Variants in TCF7L2 observed in about 807,000 individuals in gnomAD.
TCF7L2 encodes transcription factor 7 like 2.
Under a neutral mutation model 77.9 loss-of-function variants are expected in TCF7L2, and 23 were observed. That is an observed-to-expected ratio of 0.30 (90% CI 0.21 to 0.42). The LOEUF is 0.42. Ranked by LOEUF, TCF7L2 falls within the 10% of genes least tolerant of loss-of-function variation. The probability of loss-of-function intolerance (pLI) is 1.00; values close to 1 mark genes in which losing one functional copy is unlikely to be tolerated. For synonymous variants in TCF7L2, 413 were observed against 340.2 expected (o/e 1.21, Z -2.36); for missense variants, 654 against 793.1 (o/e 0.82, Z 2.11).
intron 4 of TCF7L2, among the ~76,000 whole-genome samples, chr10:112,987,246 C>T (rs1052032127): frequency 6.6e-6 from 1 of 152,164 alleles, no homozygotes; most frequent in African/African-American, 2.4e-5. Flanking sequence ...AGCTTTGCTA[C>T]TTTGTGACTT....
rs374179062 is a variant in TCF7L2 at position 113,160,042 on chromosome 10, C to T, written c.1319-577C>T. 2.2e-5 allele frequency: 33 copies of T among 1,529,910 alleles called. No homozygotes were observed. In the East Asian group the frequency reaches 5.2e-4, roughly 24 times the overall value. The allele number at this position is 1,529,910 out of a possible 1,614,324, so 94.8% of individuals were successfully genotyped here. ...TGTGCTGGTTTGCAGCTGGTCTATT[C>T]GATCCTCTCCCCCTTCTCTGGCCTG... On this transcript the variant is annotated intron_variant, in intron 12 of 13. Transcript: ENST00000627217.
intron 4 of TCF7L2, 69 bp downstream of exon 4, chr10:112,964,693 GCCCCTTC>G: frequency 7.5e-7 from 1 of 1,331,736 alleles, no homozygotes. Context: ...TTTATTCTCC[GCCCCTTC>G]CCCCAACTGA....
At chr10:113,108,665 C>T (rs1264566336) in intron 5 of TCF7L2, among the ~76,000 whole-genome samples, 1 of 152,208 alleles carries the variant, frequency 6.6e-6, no homozygotes, top group Non-Finnish European at 1.5e-5. Context: ...GCGCCCCCTG[C>T]AGTATGGACG....
chr10:113,042,103 A>C (rs1458616821), intron 5 of TCF7L2, among the ~76,000 whole-genome samples: 4 of 152,174 alleles, frequency 2.6e-5, no homozygotes, highest in African/African-American at 9.7e-5. Flanking sequence ...CTCAAATCCC[A>C]CAAGAACAGT....
At chr10:113,153,399 T>C (rs538115992) in intron 11 of TCF7L2, among the ~76,000 whole-genome samples, 53 of 152,240 alleles carry the variant, frequency 3.5e-4, no homozygotes, top group Non-Finnish European at 6.8e-4. Context: ...AAACTTGTCT[T>C]AAGGCCGGCA....
rs115912608 is a variant in TCF7L2 at position 112,974,218 on chromosome 10, A to G, written c.450+9594A>G. 2.9e-3 allele frequency among the ~76,000 whole-genome samples: 438 copies of G among 152,296 alleles called. 5 individuals are homozygous for G. The highest frequency in any genetic ancestry group is 0.01 in the African/African-American group (423 of 41,558). ...ATATCTGTTTTAATTATATCATTGT[A>G]TTTGTACGAGTTGAGATATTTGTAT... On this transcript the variant is annotated intron_variant, in intron 4 of 13. Transcript: ENST00000627217.
At chr10:112,963,329 G>C (rs189949679) in intron 3 of TCF7L2, among the ~76,000 whole-genome samples, 1 of 152,058 alleles carries the variant, frequency 6.6e-6, no homozygotes, top group Non-Finnish European at 1.5e-5. Flanking sequence ...GGACTGAATT[G>C]TTTTTCTTCC....
At chr10:113,020,776 G>A (rs1222737367) in intron 4 of TCF7L2, among the ~76,000 whole-genome samples, 1 of 152,116 alleles carries the variant, frequency 6.6e-6, no homozygotes, top group African/African-American at 2.4e-5. Context: ...GGGTGTGAGG[G>A]GGACAGAGGG....
chr10:113,066,452 C>T (rs977846758), intron 5 of TCF7L2, among the ~76,000 whole-genome samples: 4 of 152,048 alleles, frequency 2.6e-5, no homozygotes, highest in African/African-American at 9.7e-5. Flanking sequence ...ATCTACTTAC[C>T]ATATGCATCT....
At position 113,151,094 on chromosome 10, in the gene TCF7L2, C is replaced by T; in HGVS notation, c.972C>T (p.Ser324=). Residue 324 remains serine (S), a synonymous_variant, in exon 9 of 14, where the codon TCC becomes TCT. Transcript: ENST00000627217. The surrounding 1 kb of genome is among the most constrained non-coding windows in gnomAD (Gnocchi z 5.2). ...CACCAACAGTCAAACAGGAATCGTC[C>T]CAGAGTGATGTCGGCTCACTCCATA... The T allele has an allele frequency of 6.2e-7, 1 of 1,614,098 alleles. No individual in the cohort carries two copies. Among genetic ancestry groups the T allele is most frequent in the Non-Finnish European group, 8.5e-7 (1 of 1,180,022 alleles).
rs1399220795 is a variant in TCF7L2, at chr10:113,158,845, G to A, written c.1318+776G>A. On this transcript the variant is annotated intron_variant, in intron 12 of 13. Transcript: ENST00000627217. ...CATTCTTTAAAATGACCATCAACAC[G>A]GTTTCGTATGTTTCAGTAGATTTTT... 12 of 862,760 alleles carry A rather than the reference G, an allele frequency of 1.4e-5. No individual in the cohort carries two copies. The South Asian group carries it at 2.0e-4, about 15-fold the overall frequency. 53.4% of individuals were successfully genotyped at this position (862,760 alleles called of 1,614,324 possible). A position where few individuals can be genotyped will look rare whatever the true frequency, so the allele number is the denominator to read the frequency against.
intron 13 of TCF7L2, chr10:113,160,831 TTTCC>T: frequency 1.3e-6 from 1 of 796,632 alleles, no homozygotes; most frequent in Non-Finnish European, 1.9e-6. Context: ...TTCTTCAAAA[TTTCC>T]TTGCTAATTT....
chr10:113,058,946 G>T (rs2055902732), intron 5 of TCF7L2, among the ~76,000 whole-genome samples: 1 of 152,166 alleles, frequency 6.6e-6, no homozygotes, highest in African/African-American at 2.4e-5. Context: ...TCACTGCTGT[G>T]TATGCTTTTC....
Position 113,130,099 on chromosome 10 carries a change from A to G in TCF7L2, c.553-11085A>G. ...TTTTTCCCCCCCCTTAATTTAGATC[A>G]TGGGAAGGAAAAAACAAAACAAGAA... On this transcript the variant is annotated intron_variant, in intron 5 of 13. Transcript: ENST00000627217. 2.3e-6 allele frequency: 2 copies of G among 853,242 alleles called. 1 individual carries two copies. Among genetic ancestry groups the G allele is most frequent in the Non-Finnish European group, 2.9e-6 (2 of 693,274 alleles). The allele number at this position is 853,242 out of a possible 1,614,324, so 52.9% of individuals were successfully genotyped here. A position where few individuals can be genotyped will look rare whatever the true frequency, so the allele number is the denominator to read the frequency against.
chr10:113,141,841 T>G (rs974486556), intron 6 of TCF7L2, among the ~76,000 whole-genome samples: 1 of 152,246 alleles, frequency 6.6e-6, no homozygotes, highest in Non-Finnish European at 1.5e-5. Context: ...GCATTTTCTT[T>G]GCTAATTTAT....
chr10:113,142,803 A>C (rs944092013), intron 6 of TCF7L2, among the ~76,000 whole-genome samples: 1 of 152,200 alleles, frequency 6.6e-6, no homozygotes, highest in African/African-American at 2.4e-5. Context: ...GGTTATCGTA[A>C]AACATATGAT....
chr10:113,091,543 C>G (rs2060408226), intron 5 of TCF7L2, among the ~76,000 whole-genome samples: 1 of 152,092 alleles, frequency 6.6e-6, no homozygotes, highest in African/African-American at 2.4e-5. Flanking sequence ...CCAGTGAAAC[C>G]CCGTCTCTAC....
At chr10:113,015,047 G>A (rs887777135) in intron 4 of TCF7L2, among the ~76,000 whole-genome samples, 3 of 152,278 alleles carry the variant, frequency 2.0e-5, no homozygotes, top group Non-Finnish European at 2.9e-5. Context: ...TTAGCTGGGC[G>A]TGGTAGCGGA....
chr10:112,985,773 C>T (rs774679673), intron 4 of TCF7L2, among the ~76,000 whole-genome samples: 8 of 151,932 alleles, frequency 5.3e-5, no homozygotes, highest in Non-Finnish European at 1.0e-4. Flanking sequence ...GGGATGGAGG[C>T]ATTAATCCCT....
Sources: gnomAD v4.1 joint callset for allele counts (sites outside exome capture counted in the v4.1 genomes callset) on GRCh38, gnomAD v4.1.1 for gene constraint, Gnocchi (gnomAD v3.1) non-coding constraint, MANE v1.5 for transcripts, NCBI Gene and HGNC (gene_info 2026-07-23, HGNC 2026-07-21) for gene names.